SMARCA2: variants seen among roughly 807,000 people sequenced by gnomAD.
SMARCA2 encodes the protein SWI/SNF related BAF chromatin remodeling complex subunit ATPase 2.
Under a neutral mutation model 199.8 loss-of-function variants are expected in SMARCA2, and 61 were observed. The ratio of observed to expected loss-of-function variants is 0.31; its 90% confidence interval spans 0.25 to 0.38. SMARCA2 has a LOEUF of 0.38. Ranked by LOEUF, SMARCA2 falls within the 10% of genes least tolerant of loss-of-function variation. The pLI, the probability that SMARCA2 is intolerant of heterozygous loss-of-function variation, is 1.00. For synonymous variants in SMARCA2, 935 were observed against 732.0 expected (o/e 1.28, Z -4.48); for missense variants, 1,344 against 2,012.2 (o/e 0.67, Z 6.35).
At chr9:2,051,683 A>G (rs1820125323) in intron 5 of SMARCA2, among the ~76,000 whole-genome samples, 1 of 152,256 alleles carries the variant, frequency 6.6e-6, no homozygotes, top group African/African-American at 2.4e-5. Flanking sequence ...TAGGATATTC[A>G]AATAAGAAAG....
Position 2,161,346 on chromosome 9 carries a change from G to C in SMARCA2, c.3982-340G>C, listed in dbSNP as rs1825663752. 6.6e-6 allele frequency among the ~76,000 whole-genome samples: 1 copy of C among 151,922 alleles called. No individual in the cohort carries two copies. The highest frequency in any genetic ancestry group is 6.6e-5 in the Admixed American group (1 of 15,230). Reference sequence around the variant, plus strand: ...ACAGTAATGAGAACATTAGGGTCTTGTTCTTAAACTGAGCTAAAATTTCAT... The same window carrying C: ...ACAGTAATGAGAACATTAGGGTCTTCTTCTTAAACTGAGCTAAAATTTCAT... On this transcript the variant is annotated intron_variant, in intron 27 of 33. Coordinates refer to ENST00000349721, the MANE Select transcript of SMARCA2 (RefSeq NM_003070.5). This position sits in a 1 kb window ranked among gnomAD's most constrained non-coding sequence, Gnocchi z 4.7.
rs936357519 is a variant in SMARCA2 at position 2,170,851 on chromosome 9, C to G, written c.4253+379C>G. Among the ~76,000 whole-genome samples the G allele has an allele frequency of 5.3e-5, 8 of 152,224 alleles. No individual in the cohort carries two copies. Among genetic ancestry groups the G allele is most frequent in the African/African-American group, 1.9e-4 (8 of 41,444 alleles). On this transcript the variant is annotated intron_variant, in intron 29 of 33. Coordinates refer to ENST00000349721, the MANE Select transcript of SMARCA2 (RefSeq NM_003070.5). The surrounding 1 kb of genome is among the most constrained non-coding windows in gnomAD (Gnocchi z 4.7). The stretch of plus-strand genomic sequence containing the variant: ...ACTCTGTGCTGTCTTGGTTTAGAAG[C>G]TTAATGCGAAGCACCTGTAGTGACT...
At chr9:2,051,446 C>T (rs993758497) in intron 5 of SMARCA2, among the ~76,000 whole-genome samples, 2 of 152,186 alleles carry the variant, frequency 1.3e-5, no homozygotes, top group African/African-American at 4.8e-5. Flanking sequence ...CCCATCTCCC[C>T]GGGGTTCCCA....
At chr9:2,109,439 C>G (rs568301807) in intron 23 of SMARCA2, among the ~76,000 whole-genome samples, 3 of 152,162 alleles carry the variant, frequency 2.0e-5, no homozygotes, top group South Asian at 4.2e-4. Flanking sequence ...CAAGAATGCC[C>G]CAAAAGTGAG....
chr9:2,126,747 A>G (rs1823714408), intron 27 of SMARCA2, among the ~76,000 whole-genome samples: 1 of 152,252 alleles, frequency 6.6e-6, no homozygotes, highest in African/African-American at 2.4e-5. Flanking sequence ...AGGCAGTTGA[A>G]TGGAACAGCT....
intron 5 of SMARCA2, 78 bp downstream of exon 5, chr9:2,047,562 G>C: frequency 8.3e-7 from 1 of 1,208,566 alleles, no homozygotes; most frequent in Non-Finnish European, 1.0e-6. Context: ...TGAGGCGCCT[G>C]CCTCCTTGGT....
At position 2,170,054 on chromosome 9, in the gene SMARCA2, A is replaced by AACTC. The variant is rs1381366954; in HGVS notation, c.4200-363_4200-360dup. ...CCCCCATTTTACAAATGAGGGGCTAAACTCAGATAGACTAGCACTACCTTC... is the reference window on the plus strand; with the variant it reads ...CCCCCATTTTACAAATGAGGGGCTAAACTCACTCAGATAGACTAGCACTACCTTC... On this transcript the variant is annotated intron_variant, in intron 28 of 33. Coordinates refer to ENST00000349721, the MANE Select transcript of SMARCA2 (RefSeq NM_003070.5). This position sits in a 1 kb window ranked among gnomAD's most constrained non-coding sequence, Gnocchi z 4.7. 2.0e-5 allele frequency among the ~76,000 whole-genome samples: 3 copies of AACTC among 152,150 alleles called. No individual in the cohort carries two copies. The highest frequency in any genetic ancestry group is 4.4e-5 in the Non-Finnish European group (3 of 68,024).
intron 21 of SMARCA2, 80 bp from the exon 22 acceptor site, chr9:2,101,490 G>C: frequency 1.4e-6 from 1 of 719,690 alleles, no homozygotes. Flanking sequence ...AAATAGGTAG[G>C]ATAACCTCAC....
chr9:2,141,937 C>T (rs1280121615), intron 27 of SMARCA2, among the ~76,000 whole-genome samples: 1 of 152,116 alleles, frequency 6.6e-6, no homozygotes, highest in African/African-American at 2.4e-5. Flanking sequence ...CCGGGGAGGA[C>T]TTACGCAGAA....
At chr9:2,155,135 C>T (rs1016709929) in intron 27 of SMARCA2, among the ~76,000 whole-genome samples, 1 of 152,144 alleles carries the variant, frequency 6.6e-6, no homozygotes, top group African/African-American at 2.4e-5. Flanking sequence ...GTAGGGTCTT[C>T]AGGGCCAGAC....
At chr9:2,098,500 T>C (rs985587181) in intron 21 of SMARCA2, among the ~76,000 whole-genome samples, 1 of 152,208 alleles carries the variant, frequency 6.6e-6, no homozygotes, top group African/African-American at 2.4e-5. Flanking sequence ...GACACTGCTA[T>C]TCAAGGAGTC....
chr9:2,141,657 C>T (rs1824464163), intron 27 of SMARCA2, among the ~76,000 whole-genome samples: 1 of 151,946 alleles, frequency 6.6e-6, no homozygotes, highest in South Asian at 2.1e-4. Flanking sequence ...CATTTTGCCC[C>T]ATTTCTCTGG....
intron 27 of SMARCA2, among the ~76,000 whole-genome samples, chr9:2,134,936 A>G (rs1429740796): frequency 1.3e-5 from 2 of 152,150 alleles, no homozygotes; most frequent in African/African-American, 4.8e-5. Flanking sequence ...AAATAAGTGT[A>G]TGTTATTTAT....
Position 2,103,985 on chromosome 9 carries a change from G to T in SMARCA2, c.3126-18G>T. ...GAAGTAATACTGTCTTCTTGTTTTT[G>T]CATTTTTTTGGGTTCAGGGCTGAAC... On this transcript the variant is annotated intron_variant, in intron 22 of 33. Transcript: ENST00000349721. 1.2e-6 allele frequency: 2 copies of T among 1,606,232 alleles called. No homozygotes were observed. Among genetic ancestry groups the T allele is most frequent in the Admixed American group, 3.4e-5 (2 of 58,250 alleles).
At chr9:2,163,876 T>G (rs1825810458) in intron 28 of SMARCA2, among the ~76,000 whole-genome samples, 1 of 152,100 alleles carries the variant, frequency 6.6e-6, no homozygotes, top group South Asian at 2.1e-4. Flanking sequence ...TGCCAACAGA[T>G]TCGTTTGGTT....
At chr9:2,171,729 AT>A (rs1826258081) in intron 29 of SMARCA2, among the ~76,000 whole-genome samples, 1 of 152,186 alleles carries the variant, frequency 6.6e-6, no homozygotes, top group Non-Finnish European at 1.5e-5. Flanking sequence ...ACTTGGGTAA[AT>A]ATTTCCACCC....
chr9:2,170,410 C>T lies in SMARCA2; in HGVS notation c.4200-9C>T. ...TTCTGACTCTAGTGTTCTTTCTACTCTACCGCAGGTGTAACGTGGAGAAGG... is the reference window on the plus strand; with the variant it reads ...TTCTGACTCTAGTGTTCTTTCTACTTTACCGCAGGTGTAACGTGGAGAAGG... On this transcript the variant is annotated splice_polypyrimidine_tract_variant and intron_variant, in intron 28 of 33. Coordinates refer to ENST00000349721, the MANE Select transcript of SMARCA2 (RefSeq NM_003070.5). The surrounding 1 kb of genome is among the most constrained non-coding windows in gnomAD (Gnocchi z 4.7). The T allele has an allele frequency of 6.2e-7, 1 of 1,614,102 alleles. No homozygotes were observed.
intron 6 of SMARCA2, chr9:2,055,821 A>C (rs1392525781): frequency 1.3e-5 from 2 of 152,346 alleles, no homozygotes; most frequent in Middle Eastern, 3.4e-3. Context: ...TGCTGGATAA[A>C]ATCTTACTAA....
rs931881311 is a variant in SMARCA2, at chr9:2,176,206, A to G, written c.4254-5365A>G. Reference sequence around the variant, plus strand: ...TGTTTTTTTTTTTTTTTTTTTTTATAATGACGTAACAAGCATTTTTTTCTT... The same window carrying G: ...TGTTTTTTTTTTTTTTTTTTTTTATGATGACGTAACAAGCATTTTTTTCTT... On this transcript the variant is annotated intron_variant, in intron 29 of 33. Coordinates refer to ENST00000349721, the MANE Select transcript of SMARCA2 (RefSeq NM_003070.5). 1.2e-3 allele frequency among the ~76,000 whole-genome samples: 136 copies of G among 110,548 alleles called. 1 individual carries two copies. Among genetic ancestry groups the G allele is most frequent in the African/African-American group, 5.5e-4 (11 of 19,914 alleles). The allele number at this position is 110,548 out of a possible 152,430, so 72.5% of individuals were successfully genotyped here. A position where few individuals can be genotyped will look rare whatever the true frequency, so the allele number is the denominator to read the frequency against.
Sources: allele counts gnomAD v4.1 joint callset (sites outside exome capture counted in the v4.1 genomes callset), GRCh38; gene constraint gnomAD v4.1.1; non-coding constraint Gnocchi (gnomAD v3.1); transcripts MANE v1.5; gene names NCBI Gene and HGNC (gene_info 2026-07-23, HGNC 2026-07-21).